GALNT13: variants seen among roughly 807,000 people sequenced by gnomAD.
GALNT13 encodes polypeptide N-acetylgalactosaminyltransferase 13.
A neutral mutation model predicts 64.2 loss-of-function variants in GALNT13; 28 were observed. The ratio of observed to expected loss-of-function variants is 0.44; its 90% confidence interval spans 0.32 to 0.60. The LOEUF (loss-of-function observed/expected upper bound fraction) is 0.60, where lower values mean the gene tolerates loss of function less well. GALNT13 is among the 20% of genes least tolerant of loss of function. The pLI is 0.05. For missense variants in GALNT13, 577 were observed against 669.8 expected, an observed-to-expected ratio of 0.86 and a Z score of 1.53; for synonymous variants, 214 against 224.6, an observed-to-expected ratio of 0.95 and a Z score of 0.42.
chr2:153,231,785 G>C, the GALNT13 span, among the ~76,000 whole-genome samples: 1 of 151,878 alleles, frequency 6.6e-6, no homozygotes, highest in South Asian at 2.1e-4. Context: ...TTTCAAAACA[G>C]CATATTTTTC....
chr2:153,890,890 C>T (rs555730031), intron 1 of GALNT13, among the ~76,000 whole-genome samples: 2 of 152,088 alleles, frequency 1.3e-5, no homozygotes, highest in South Asian at 4.1e-4. Context: ...TGGTCACTGG[C>T]ATTTATTCTC....
At chr2:154,393,425 G>A (rs1698889974) in intron 9 of GALNT13, among the ~76,000 whole-genome samples, 1 of 152,148 alleles carries the variant, frequency 6.6e-6, no homozygotes, top group African/African-American at 2.4e-5. Flanking sequence ...CCAGTTAGAT[G>A]TCCTTACCTA....
the GALNT13 span, among the ~76,000 whole-genome samples, chr2:153,797,759 C>T: frequency 6.6e-6 from 1 of 152,188 alleles, no homozygotes; most frequent in Non-Finnish European, 1.5e-5. Context: ...TAAAGACAGG[C>T]AGTGCAGAAG....
At chr2:153,399,532 A>T in the GALNT13 span, among the ~76,000 whole-genome samples, 4 of 151,900 alleles carry the variant, frequency 2.6e-5, no homozygotes, top group Non-Finnish European at 5.9e-5. Flanking sequence ...CCATTTTCAC[A>T]ATATTGATTC....
At chr2:154,420,622 T>C (rs1421179965) in intron 11 of GALNT13, among the ~76,000 whole-genome samples, 1 of 152,126 alleles carries the variant, frequency 6.6e-6, no homozygotes, top group Non-Finnish European at 1.5e-5. Context: ...ATGTGAAGAA[T>C]ATTAAGGTCT....
chr2:153,819,606 C>T, the GALNT13 span, among the ~76,000 whole-genome samples: 1 of 152,282 alleles, frequency 6.6e-6, no homozygotes, highest in Non-Finnish European at 1.5e-5. Flanking sequence ...CTGTCCAGCC[C>T]TTCACCTGAA....
the GALNT13 span, among the ~76,000 whole-genome samples, chr2:153,076,274 C>T: frequency 6.6e-5 from 10 of 152,050 alleles, no homozygotes; most frequent in South Asian, 1.2e-3. Context: ...ACGGTATATG[C>T]GAATTTCTTT....
chr2:154,096,646 C>T (rs961323872), intron 3 of GALNT13, among the ~76,000 whole-genome samples: 1 of 151,970 alleles, frequency 6.6e-6, no homozygotes, highest in African/African-American at 2.4e-5. Flanking sequence ...GCCATCCTTT[C>T]ACCATATAGT....
intron 3 of GALNT13, among the ~76,000 whole-genome samples, chr2:153,998,635 G>C (rs1324469354): frequency 6.6e-6 from 1 of 152,032 alleles, no homozygotes; most frequent in African/African-American, 2.4e-5. Flanking sequence ...CTGTGTAGAA[G>C]CTCTTTAATT....
chr2:153,222,547 G>A, the GALNT13 span, among the ~76,000 whole-genome samples: 5 of 152,160 alleles, frequency 3.3e-5, no homozygotes, highest in East Asian at 1.9e-4. Context: ...CTGCCCAGCA[G>A]GCTGTCTGCC....
intron 12 of GALNT13, among the ~76,000 whole-genome samples, chr2:154,447,976 G>C (rs1261403245): frequency 1.3e-5 from 2 of 151,988 alleles, no homozygotes; most frequent in Non-Finnish European, 2.9e-5. Flanking sequence ...CTCTCCATAG[G>C]AGAAATTGGA....
chr2:153,990,577 T>C (rs1436461821), intron 3 of GALNT13, among the ~76,000 whole-genome samples: 1 of 152,180 alleles, frequency 6.6e-6, no homozygotes, highest in East Asian at 1.9e-4. Flanking sequence ...AATTACGCTC[T>C]TTGAGTCGTA....
the GALNT13 span, among the ~76,000 whole-genome samples, chr2:153,834,765 A>T: frequency 6.6e-6 from 1 of 152,130 alleles, no homozygotes; most frequent in Admixed American, 6.5e-5. Flanking sequence ...AATGAGGCAT[A>T]CAACAGGCTT....
chr2:153,385,498 C>G, the GALNT13 span, among the ~76,000 whole-genome samples: 1 of 151,920 alleles, frequency 6.6e-6, no homozygotes, highest in African/African-American at 2.4e-5. Flanking sequence ...CAATTAAACT[C>G]ATGGGGATAG....
At chr2:153,189,044 A>G in the GALNT13 span, among the ~76,000 whole-genome samples, 3 of 152,184 alleles carry the variant, frequency 2.0e-5, no homozygotes, top group African/African-American at 7.2e-5. Flanking sequence ...ACCATACTCT[A>G]CCATCAAACA....
At position 153,876,202 on chromosome 2, in the gene GALNT13, T is replaced by TACACACACACAC. The variant is rs56256669; in HGVS notation, c.-177+3921_-177+3932dup. ...ATTTCTAACAGCAACCCCCCCACAC[T>TACACACACACAC]ACACACACACACACACACACACACA... On this transcript the variant is annotated intron_variant, in intron 1 of 12. Transcript: ENST00000392825. 2.0e-3 allele frequency among the ~76,000 whole-genome samples: 301 copies of TACACACACACAC among 148,740 alleles called. 1 individual carries two copies. The highest frequency in any genetic ancestry group is 6.8e-3 in the African/African-American group (277 of 40,488).
chr2:154,381,867 T>G (rs1001467604), intron 9 of GALNT13, among the ~76,000 whole-genome samples: 2 of 152,134 alleles, frequency 1.3e-5, no homozygotes, highest in African/African-American at 4.8e-5. Flanking sequence ...TGCCTTCATC[T>G]TTTGACCAGT....
intron 3 of GALNT13, among the ~76,000 whole-genome samples, chr2:154,033,523 C>CA (rs1399428179): frequency 2.0e-5 from 3 of 151,550 alleles, no homozygotes; most frequent in African/African-American, 4.9e-5. Flanking sequence ...GGTACTTCAC[C>CA]AAAAAAAGAC....
the GALNT13 span, among the ~76,000 whole-genome samples, chr2:153,682,743 A>G: frequency 6.6e-6 from 1 of 151,778 alleles, no homozygotes; most frequent in East Asian, 1.9e-4. Flanking sequence ...ATAATATGAA[A>G]TCTATTTGGA....
Sources: gnomAD v4.1 joint callset for allele counts (sites outside exome capture counted in the v4.1 genomes callset) on GRCh38, gnomAD v4.1.1 for gene constraint, MANE v1.5 for transcripts, NCBI Gene and HGNC (gene_info 2026-07-23, HGNC 2026-07-21) for gene names.